The following CTNNA1 variants were observed in gnomAD, a reference collection of about 807,000 sequenced individuals.
The protein encoded by CTNNA1 is catenin alpha 1.
Under a neutral mutation model 98.4 loss-of-function variants are expected in CTNNA1, and 37 were observed. The observed-to-expected ratio is 0.38, with a 90% CI of 0.29 to 0.49. The LOEUF is 0.49. Ranked by LOEUF, CTNNA1 falls within the 20% of genes least tolerant of loss-of-function variation. The probability of loss-of-function intolerance (pLI) is 0.95; values close to 1 mark genes in which losing one functional copy is unlikely to be tolerated. For synonymous variants in CTNNA1, 404 were observed against 413.2 expected, an observed-to-expected ratio of 0.98 and a Z score of 0.27; for missense variants, 761 against 1,147.2, an observed-to-expected ratio of 0.66 and a Z score of 4.86.
intron 3 of CTNNA1, 103 bp from the exon 4 acceptor site, chr5:138,809,935 T>C: frequency 7.2e-7 from 1 of 1,383,372 alleles, no homozygotes; most frequent in Non-Finnish European, 9.6e-7. Context: ...ACTAAATTTG[T>C]GCATGAAATA....
intron 7 of CTNNA1, chr5:138,871,607 G>A (rs1750631322): frequency 6.6e-6 from 1 of 152,160 alleles, no homozygotes; most frequent in Non-Finnish European, 1.5e-5. Context: ...TATAATCATT[G>A]TTGGCTGCCT....
At chr5:138,849,199 A>C (rs2149839029) in intron 7 of CTNNA1, among the ~76,000 whole-genome samples, 1 of 152,212 alleles carries the variant, frequency 6.6e-6, no homozygotes, top group South Asian at 2.1e-4. Context: ...TAGACTGTTT[A>C]TTTGAATACT....
intron 11 of CTNNA1, among the ~76,000 whole-genome samples, chr5:138,921,904 C>T (rs1384297902): frequency 6.6e-6 from 1 of 151,774 alleles, no homozygotes; most frequent in Admixed American, 6.6e-5. Flanking sequence ...AATCAAAAAT[C>T]ACCCGGCCGG....
At chr5:138,809,742 C>T (rs1321291911) in intron 3 of CTNNA1, among the ~76,000 whole-genome samples, 1 of 147,942 alleles carries the variant, frequency 6.8e-6, no homozygotes, top group Admixed American at 6.7e-5. Context: ...ATATAATGCC[C>T]TTTTTTTTTT....
rs954831548 is a variant in CTNNA1, at chr5:138,893,461, G to A, written c.1296+5819G>A. Among the ~76,000 whole-genome samples, 8 of 151,850 alleles carry A rather than the reference G, an allele frequency of 5.3e-5. 2 individuals carry two copies. Among genetic ancestry groups the A allele is most frequent in the Admixed American group, 5.2e-4 (8 of 15,250 alleles). On this transcript the variant is annotated intron_variant, in intron 9 of 17. Transcript: ENST00000302763. Reference sequence around the variant, plus strand: ...AACCTTATATTCCATCTCATGTTCTGTCCTATCAGGATTCCTGCTGCATTT... The same window carrying A: ...AACCTTATATTCCATCTCATGTTCTATCCTATCAGGATTCCTGCTGCATTT...
chr5:138,879,124 C>T lies in CTNNA1; in HGVS notation c.1063-7088C>T, dbSNP rs988935279. On this transcript the variant is annotated intron_variant, in intron 7 of 17. Coordinates refer to ENST00000302763, the MANE Select transcript of CTNNA1 (RefSeq NM_001903.5). Reference sequence around the variant, plus strand: ...ACTCAGGAAGCGGAGGCAGGAGAATCGCTTGAACCAGGTGGCAGCCTGGGT... The same window carrying T: ...ACTCAGGAAGCGGAGGCAGGAGAATTGCTTGAACCAGGTGGCAGCCTGGGT... Among the ~76,000 whole-genome samples the T allele has an allele frequency of 5.2e-5, 7 of 135,468 alleles. No homozygotes were observed. In the East Asian group the frequency reaches 1.5e-3, roughly 30 times the overall value. The allele number at this position is 135,468 out of a possible 152,430, so 88.9% of individuals were successfully genotyped here. A position where few individuals can be genotyped will look rare whatever the true frequency, so the allele number is the denominator to read the frequency against.
rs2150290296 is a variant in CTNNA1 at position 138,924,727 on chromosome 5, T to G, written c.1747+17T>G. 2 of 1,552,246 alleles carry G rather than the reference T, an allele frequency of 1.3e-6. No homozygotes were observed. Among genetic ancestry groups the G allele is most frequent in the Non-Finnish European group, 1.7e-6 (2 of 1,147,084 alleles). ...CCAACACAGGTACGGGAACTCTCCC[T>G]TTCCAGTGCTCGCACACACCGCAGC... On this transcript the variant is annotated intron_variant, in intron 12 of 17. Coordinates refer to ENST00000302763, the MANE Select transcript of CTNNA1 (RefSeq NM_001903.5).
chr5:138,825,539 A>C (rs1339776671), intron 6 of CTNNA1, among the ~76,000 whole-genome samples: 7 of 132,436 alleles, frequency 5.3e-5, no homozygotes, highest in Non-Finnish European at 1.1e-4. Flanking sequence ...TAAAAAAAAA[A>C]AAAACAAACC....
rs567387707 is a variant in CTNNA1, at chr5:138,803,158, A to ATT, written c.302-6866_302-6865dup. Among the ~76,000 whole-genome samples, 11 of 141,834 alleles carry ATT rather than the reference A, an allele frequency of 7.8e-5. No individual in the cohort carries two copies. In the East Asian group the frequency reaches 1.0e-3, roughly 13 times the overall value. The allele number at this position is 141,834 out of a possible 152,430, so 93.0% of individuals were successfully genotyped here. ...GCTTTTCCTCCTGGTAATGGGCCAA[A>ATT]TTTTTTTTTTTTTTTGGGAGATGGG... On this transcript the variant is annotated intron_variant, in intron 3 of 17. Transcript: ENST00000302763.
chr5:138,824,667 C>T lies in CTNNA1; in HGVS notation c.726C>T (p.Asp242=), dbSNP rs2149776118. 1.2e-6 allele frequency: 2 copies of T among 1,614,200 alleles called. No individual in the cohort carries two copies. Among genetic ancestry groups the T allele is most frequent in the Non-Finnish European group, 1.7e-6 (2 of 1,180,038 alleles). The change falls in exon 6 of 18, where the codon GAC becomes GAT. Residue 242 remains aspartate (D), a synonymous_variant. Transcript: ENST00000302763. The part of the protein sequence containing the change: ...PDVAAYKANR[D]LIYKQLQQAV... ...TCGCAGCCTATAAGGCCAACAGGGA[C>T]CTGATATACAAGCAGCTGCAGCAGG...
At chr5:138,783,711 A>T (rs700627) in intron 3 of CTNNA1, among the ~76,000 whole-genome samples, 105,096 of 152,052 alleles carry the variant, frequency 0.69, 36,478 homozygotes, top group East Asian at 0.93. Flanking sequence ...TGTAACACAA[A>T]TTGATAGGAA....
rs1396966297 is a variant in CTNNA1 at position 138,874,297 on chromosome 5, A to G, written c.1063-11915A>G. 2.5e-6 allele frequency: 4 copies of G among 1,614,066 alleles called. No individual in the cohort carries two copies. The highest frequency in any genetic ancestry group is 4.5e-5 in the East Asian group (2 of 44,892). On this transcript the variant is annotated intron_variant, in intron 7 of 17. Transcript: ENST00000302763. This position sits in a 1 kb window ranked among gnomAD's most constrained non-coding sequence, Gnocchi z 4.1. ...TTTGATTGTGATCTAAGTGGAGCCA[A>G]GTAAGTTGACTGAAGCTGGCAAATT...
intron 9 of CTNNA1, among the ~76,000 whole-genome samples, chr5:138,903,148 T>C (rs1010872049): frequency 6.6e-6 from 1 of 152,138 alleles, no homozygotes. Flanking sequence ...ATTTTTATGT[T>C]TAAATTGCAC....
intron 7 of CTNNA1, among the ~76,000 whole-genome samples, chr5:138,861,076 G>C (rs373794): frequency 1.3e-5 from 2 of 152,012 alleles, no homozygotes; most frequent in African/African-American, 4.8e-5. Context: ...CTGAAGTGCA[G>C]TGGCATGATC....
intron 7 of CTNNA1, among the ~76,000 whole-genome samples, chr5:138,841,689 T>G (rs1484760888): frequency 6.6e-6 from 1 of 152,232 alleles, no homozygotes; most frequent in Non-Finnish European, 1.5e-5. Context: ...GGAAGATATT[T>G]CCTTTGAGTT....
chr5:138,874,048 A>T lies in CTNNA1; in HGVS notation c.1063-12164A>T. On this transcript the variant is annotated intron_variant, in intron 7 of 17. Coordinates refer to ENST00000302763, the MANE Select transcript of CTNNA1 (RefSeq NM_001903.5). The surrounding 1 kb of genome is among the most constrained non-coding windows in gnomAD (Gnocchi z 4.1). ...AGTCCCAGAACAGGCGTACTGGGAT[A>T]GTCCGCAGGGAGTTGGAACGTAAAT... The T allele has an allele frequency of 6.2e-7, 1 of 1,614,016 alleles. No homozygotes were observed. The highest frequency in any genetic ancestry group is 8.5e-7 in the Non-Finnish European group (1 of 1,179,870).
chr5:138,776,105 A>G (rs1176915143), intron 1 of CTNNA1, among the ~76,000 whole-genome samples: 1 of 133,764 alleles, frequency 7.5e-6, no homozygotes, highest in Non-Finnish European at 1.5e-5. Context: ...GGGATTTGGC[A>G]GGGTCACAGG....
At chr5:138,888,553 ATTTG>A (rs879943109) in intron 9 of CTNNA1, among the ~76,000 whole-genome samples, 1 of 151,800 alleles carries the variant, frequency 6.6e-6, no homozygotes, top group African/African-American at 2.4e-5. Flanking sequence ...TTTTGTTTTT[ATTTG>A]TTTGTTTTGA....
intron 5 of CTNNA1, among the ~76,000 whole-genome samples, chr5:138,813,180 G>A (rs1045383315): frequency 2.6e-5 from 4 of 152,188 alleles, no homozygotes; most frequent in African/African-American, 9.7e-5. Flanking sequence ...TATCATCAAG[G>A]ATCCAGGTTC....
Sources: gnomAD v4.1 joint callset for allele counts (sites outside exome capture counted in the v4.1 genomes callset) on GRCh38, gnomAD v4.1.1 for gene constraint, Gnocchi (gnomAD v3.1) non-coding constraint, MANE v1.5 for transcripts, NCBI Gene and HGNC (gene_info 2026-07-23, HGNC 2026-07-21) for gene names.